BBS4: variants seen among roughly 807,000 people sequenced by gnomAD.
BBS4 encodes Bardet-Biedl syndrome 4.
A neutral mutation model predicts 71.4 loss-of-function variants in BBS4; 58 were observed. The ratio of observed to expected loss-of-function variants is 0.81; its 90% CI spans 0.66 to 1.01. BBS4 has a LOEUF of 1.01. Among genes scored for constraint, BBS4 ranks in the 50% least tolerant of loss-of-function variants. The pLI, the probability that BBS4 is intolerant of heterozygous loss-of-function variation, is 0.00. For missense variants in BBS4, 660 were observed against 607.9 expected (o/e 1.09, Z -0.90); for synonymous variants, 228 against 216.8 (o/e 1.05, Z -0.46).
chr15:72,731,665 T>C lies in BBS4; in HGVS notation c.975T>C (p.His325=). 1.2e-6 allele frequency: 2 copies of C among 1,614,208 alleles called. No individual in the cohort carries two copies. The highest frequency in any genetic ancestry group is 1.7e-6 in the Non-Finnish European group (2 of 1,180,042). Reference sequence around the variant, plus strand: ...TGCAGCAGTATGCATCAGCTTTTCATTTTCTCAGTGCGGCCATCAACTTCC... The same window carrying C: ...TGCAGCAGTATGCATCAGCTTTTCACTTTCTCAGTGCGGCCATCAACTTCC... ...LTMQQYASAF[H]FLSAAINFQP... is the part of the protein sequence containing the mutation. The change falls in exon 12 of 16, where the codon CAT becomes CAC. Residue 325 remains histidine, a synonymous_variant. Coordinates refer to ENST00000268057, the MANE Select transcript of BBS4 (RefSeq NM_033028.5).
At position 72,715,365 on chromosome 15, in the gene BBS4, C is replaced by T. The variant is rs1389369745; in HGVS notation, c.295C>T (p.Gln99Ter). The T allele has an allele frequency of 1.9e-6, 3 of 1,614,076 alleles. No individual in the cohort carries two copies. Among genetic ancestry groups the T allele is most frequent in the Admixed American group, 1.7e-5 (1 of 60,022 alleles). ...LFQTCAVLSP[Q>*]SADNLKQVAR... The stretch of plus-strand genomic sequence containing the variant: ...CCAGACATGTGCAGTTCTTAGTCCT[C>T]AGAGTGCTGATAACCTCAAGCAGGT... Residue 99 changes from glutamine to a stop codon, truncating the protein, a stop_gained, in exon 5 of 16, where the codon CAG becomes TAG. Coordinates refer to ENST00000268057, the MANE Select transcript of BBS4 (RefSeq NM_033028.5). LOFTEE classifies it high-confidence loss of function.
At chr15:72,714,086 TAA>T (rs929371224) in intron 4 of BBS4, among the ~76,000 whole-genome samples, 2 of 152,030 alleles carry the variant, frequency 1.3e-5, no homozygotes, top group African/African-American at 4.8e-5. Context: ...GTAATCAAGC[TAA>T]AAGAGATGAA....
At chr15:72,735,486 T>C in intron 13 of BBS4, 3 of 518,784 alleles carry the variant, frequency 5.8e-6, no homozygotes, top group Non-Finnish European at 1.0e-5. Context: ...GATGGGACTC[T>C]GGGCTGTTTA....
chr15:72,702,208 T>C (rs576346777), intron 2 of BBS4, among the ~76,000 whole-genome samples: 2 of 152,278 alleles, frequency 1.3e-5, no homozygotes, highest in East Asian at 1.9e-4. Context: ...AACATTTACA[T>C]TGTAATATTA....
At chr15:72,727,367 T>G (rs1269887107) in intron 8 of BBS4, among the ~76,000 whole-genome samples, 2 of 152,224 alleles carry the variant, frequency 1.3e-5, no homozygotes, top group African/African-American at 2.4e-5. Flanking sequence ...AGTATTTTAC[T>G]TACATCAGTG....
In BBS4 at chr15:72,687,124, C is replaced by CTTTTTTTTTTTTTTTTTTTTTTTTTTT. The variant is rs1458417621; in HGVS notation, c.24+883_24+884insTTTTTTTTTTTTTTTTTTTTTTTTTTT. On this transcript the variant is annotated intron_variant, in intron 1 of 15. Transcript: ENST00000268057. ...AATTAGAAAACTCTGAAGACAGAAA[C>CTTTTTTTTTTTTTTTTTTTTTTTTTTT]TTTTTTTTTTGAGACGGAGTGTCGC... 1.0e-4 allele frequency among the ~76,000 whole-genome samples: 8 copies of CTTTTTTTTTTTTTTTTTTTTTTTTTTT among 76,242 alleles called. 3 individuals are homozygous for CTTTTTTTTTTTTTTTTTTTTTTTTTTT. Among genetic ancestry groups the CTTTTTTTTTTTTTTTTTTTTTTTTTTT allele is most frequent in the Non-Finnish European group, 1.4e-4 (6 of 42,686 alleles). The allele number at this position is 76,242 out of a possible 152,430, so 50.0% of individuals were successfully genotyped here.
chr15:72,733,187 G>T (rs1351619463), intron 12 of BBS4, among the ~76,000 whole-genome samples: 2 of 152,162 alleles, frequency 1.3e-5, no homozygotes, highest in Non-Finnish European at 2.9e-5. Flanking sequence ...GGGTGTGATG[G>T]TACATACCTG....
chr15:72,731,848 C>A, intron 12 of BBS4, 122 bp downstream of exon 12: 1 of 1,221,426 alleles, frequency 8.2e-7, no homozygotes, highest in Non-Finnish European at 1.2e-6. Context: ...CTGTAGGAAT[C>A]TGGATTACTG....
intron 6 of BBS4, among the ~76,000 whole-genome samples, chr15:72,719,943 G>T (rs1033241389): frequency 4.6e-5 from 7 of 151,456 alleles, no homozygotes; most frequent in African/African-American, 1.7e-4. Flanking sequence ...TAGAGATGAG[G>T]TTTCACCATG....
chr15:72,710,207 T>C (rs1002229313), intron 3 of BBS4, among the ~76,000 whole-genome samples: 1 of 142,326 alleles, frequency 7.0e-6, no homozygotes, highest in Non-Finnish European at 1.5e-5. Flanking sequence ...TTTTTTTTTT[T>C]TTTTTTTTTT....
intron 6 of BBS4, among the ~76,000 whole-genome samples, chr15:72,720,875 T>G (rs1022427132): frequency 3.9e-5 from 6 of 152,242 alleles, no homozygotes; most frequent in African/African-American, 1.4e-4. Flanking sequence ...TTTCCAAATT[T>G]CTTTTGCAGT....
intron 2 of BBS4, among the ~76,000 whole-genome samples, chr15:72,705,850 G>T (rs1278271503): frequency 6.6e-6 from 1 of 151,986 alleles, no homozygotes; most frequent in Non-Finnish European, 1.5e-5. Flanking sequence ...CTCCCAAAGT[G>T]CTGGGGTTAC....
At chr15:72,693,932 T>C (rs930587339) in intron 1 of BBS4, among the ~76,000 whole-genome samples, 3 of 152,154 alleles carry the variant, frequency 2.0e-5, no homozygotes, top group Non-Finnish European at 2.9e-5. Flanking sequence ...TCGCCCAAGC[T>C]GGAGTGCAGT....
rs1213192808 is a variant in BBS4, at chr15:72,737,625, G to C, written c.*38G>C. ...TGACCCCAAAATAGGGTTTTCTTGG[G>C]CGAGGATGTGCTGGATTAGGAAAGG... On this transcript the variant is annotated 3_prime_UTR_variant, in exon 16 of 16. Coordinates refer to ENST00000268057, the MANE Select transcript of BBS4 (RefSeq NM_033028.5). The C allele has an allele frequency of 2.7e-6, 4 of 1,487,644 alleles. No individual in the cohort carries two copies. The African/African-American group carries it at 5.6e-5, about 21-fold the overall frequency. The allele number at this position is 1,487,644 out of a possible 1,614,324, so 92.2% of individuals were successfully genotyped here.
intron 2 of BBS4, chr15:72,704,312 T>C: frequency 1.8e-6 from 1 of 556,824 alleles, no homozygotes; most frequent in South Asian, 1.6e-5. Context: ...TATTGCAAAA[T>C]AGGGGAGACT....
intron 2 of BBS4, among the ~76,000 whole-genome samples, chr15:72,700,785 C>T (rs1261614566): frequency 3.3e-5 from 5 of 151,992 alleles, no homozygotes; most frequent in Admixed American, 6.6e-5. Context: ...TTGATGAAGG[C>T]CAATTTACTA....
At chr15:72,712,020 A>G (rs1406049267) in intron 3 of BBS4, among the ~76,000 whole-genome samples, 1 of 151,934 alleles carries the variant, frequency 6.6e-6, no homozygotes, top group Admixed American at 6.6e-5. Context: ...GACACGCACC[A>G]CTACTGCCCG....
intron 2 of BBS4, among the ~76,000 whole-genome samples, chr15:72,706,452 A>G (rs551429473): frequency 6.6e-6 from 1 of 152,262 alleles, no homozygotes; most frequent in South Asian, 2.1e-4. Flanking sequence ...ACTATTTATG[A>G]CGGTGCACTT....
At chr15:72,690,448 C>T (rs72735201) in intron 1 of BBS4, among the ~76,000 whole-genome samples, 22 of 152,248 alleles carry the variant, frequency 1.4e-4, no homozygotes, top group Non-Finnish European at 3.2e-4. Context: ...AATAATTCTG[C>T]TTTGTGCAGA....
Sources: gnomAD v4.1 joint callset for allele counts (sites outside exome capture counted in the v4.1 genomes callset) on GRCh38, gnomAD v4.1.1 for gene constraint, MANE v1.5 for transcripts, NCBI Gene and HGNC (gene_info 2026-07-23, HGNC 2026-07-21) for gene names.